The following PRR5L variants were observed in gnomAD, a reference collection of about 807,000 sequenced individuals.
PRR5L encodes proline rich 5 like.
A neutral mutation model predicts 36.4 loss-of-function variants in PRR5L; 21 were observed. The ratio of observed to expected loss-of-function variants is 0.58; its 90% confidence interval spans 0.41 to 0.83. PRR5L has a LOEUF of 0.83. Ranked by LOEUF, PRR5L falls within the 40% of genes least tolerant of loss-of-function variation. The pLI is 0.00. For missense variants in PRR5L, 381 were observed against 473.3 expected (o/e 0.80, Z 1.81); for synonymous variants, 188 against 197.0 (o/e 0.95, Z 0.38).
chr11:36,434,078 C>G (rs1182504876), intron 5 of PRR5L, among the ~76,000 whole-genome samples: 1 of 152,234 alleles, frequency 6.6e-6, no homozygotes, highest in African/African-American at 2.4e-5. Flanking sequence ...AAGTAACCCT[C>G]ATCATAGATA....
intron 1 of PRR5L, among the ~76,000 whole-genome samples, chr11:36,328,430 G>A (rs1053397120): frequency 3.9e-5 from 6 of 152,120 alleles, no homozygotes; most frequent in African/African-American, 1.4e-4. Context: ...AGATTTGGTT[G>A]TTTAAAAGTG....
intron 1 of PRR5L, among the ~76,000 whole-genome samples, chr11:36,328,921 A>G (rs1488679840): frequency 6.6e-6 from 1 of 152,166 alleles, no homozygotes; most frequent in Non-Finnish European, 1.5e-5. Flanking sequence ...ATTCCATTTA[A>G]CCAGTCTTCC....
At chr11:36,312,289 C>A (rs965895493) in intron 1 of PRR5L, among the ~76,000 whole-genome samples, 2 of 152,096 alleles carry the variant, frequency 1.3e-5, no homozygotes, top group Admixed American at 1.3e-4. Context: ...CAGAGTGTAT[C>A]TGACCATGAC....
At chr11:36,323,019 C>T (rs898331643) in intron 1 of PRR5L, among the ~76,000 whole-genome samples, 1 of 152,156 alleles carries the variant, frequency 6.6e-6, no homozygotes, top group South Asian at 2.1e-4. Flanking sequence ...TAGAGCATAT[C>T]CCTGTGCACA....
intron 5 of PRR5L, among the ~76,000 whole-genome samples, chr11:36,433,689 ACAGGCACGTGCCAC>A (rs1353323691): frequency 1.3e-5 from 2 of 152,186 alleles, no homozygotes; most frequent in Non-Finnish European, 2.9e-5. Context: ...AGCTGGGATT[ACAGGCACGTGCCAC>A]CACGCCCAGC....
intron 1 of PRR5L, among the ~76,000 whole-genome samples, chr11:36,306,719 GT>G (rs1171365056): frequency 2.0e-5 from 3 of 152,114 alleles, no homozygotes; most frequent in Non-Finnish European, 4.4e-5. Context: ...GAGGATACCA[GT>G]TTTTTCCTGT....
rs145287432 is a variant in PRR5L at position 36,406,901 on chromosome 11, A to T, written c.245+3523A>T. ...GGATTCAGAGAGACCAGGGATCAAG[A>T]CTGGGCTAGCTGTGTGACCTTGGGC... is the stretch of plus-strand genomic sequence containing the variant. On this transcript the variant is annotated intron_variant, in intron 3 of 8. Coordinates refer to ENST00000530639, the MANE Select transcript of PRR5L (RefSeq NM_001160167.2). Among the ~76,000 whole-genome samples, 913 of 152,312 alleles carry T rather than the reference A, an allele frequency of 6.0e-3. 14 individuals carry two copies. The highest frequency in any genetic ancestry group is 0.053 in the South Asian group (256 of 4,826).
chr11:36,430,268 T>G (rs1004108017), intron 4 of PRR5L, among the ~76,000 whole-genome samples: 1 of 152,030 alleles, frequency 6.6e-6, no homozygotes, highest in Admixed American at 6.6e-5. Flanking sequence ...AAAAATTAGC[T>G]GGGCATGGTG....
chr11:36,325,170 G>T (rs1225145020), intron 1 of PRR5L, among the ~76,000 whole-genome samples: 1 of 152,216 alleles, frequency 6.6e-6, no homozygotes, highest in Non-Finnish European at 1.5e-5. Context: ...CATGGGTCAC[G>T]GAAGAGAACC....
At chr11:36,306,551 A>G (rs1219822939) in intron 1 of PRR5L, among the ~76,000 whole-genome samples, 1 of 152,158 alleles carries the variant, frequency 6.6e-6, no homozygotes, top group African/African-American at 2.4e-5. Flanking sequence ...CTTTGAATCT[A>G]TGTACCTACT....
At chr11:36,460,089 TG>T (rs1399520776) in intron 8 of PRR5L, among the ~76,000 whole-genome samples, 4 of 152,194 alleles carry the variant, frequency 2.6e-5, no homozygotes, top group Non-Finnish European at 5.9e-5. Context: ...TACACAGGTG[TG>T]GTGGGTGAGT....
rs570582217 is a variant in PRR5L at position 36,347,524 on chromosome 11, T to C, written c.-126+51086T>C. On this transcript the variant is annotated intron_variant, in intron 1 of 8. Coordinates refer to ENST00000530639, the MANE Select transcript of PRR5L (RefSeq NM_001160167.2). ...GGGGTGCTGAGTTGTAAGGCAGACA[T>C]GGACAAACTAGATGTTTGCTGAAGA... Among the ~76,000 whole-genome samples the C allele has an allele frequency of 7.9e-5, 12 of 152,100 alleles. No homozygotes were observed. The South Asian group carries it at 2.3e-3, about 29-fold the overall frequency.
At chr11:36,384,504 A>G (rs1857423599) in intron 1 of PRR5L, among the ~76,000 whole-genome samples, 1 of 152,152 alleles carries the variant, frequency 6.6e-6, no homozygotes, top group South Asian at 2.1e-4. Flanking sequence ...AGTTAAATGG[A>G]CTTGAATTGG....
chr11:36,407,270 G>A (rs1006348506), intron 3 of PRR5L, among the ~76,000 whole-genome samples: 2 of 152,120 alleles, frequency 1.3e-5, no homozygotes, highest in South Asian at 2.1e-4. Context: ...CAGGAGGATC[G>A]CTTGAGTCCA....
chr11:36,461,626 A>G (rs1344633412), intron 8 of PRR5L, among the ~76,000 whole-genome samples: 1 of 152,110 alleles, frequency 6.6e-6, no homozygotes, highest in Non-Finnish European at 1.5e-5. Context: ...TGTCTCAAAA[A>G]AAAAACAAAA....
At chr11:36,336,207 C>T (rs1362630661) in intron 1 of PRR5L, among the ~76,000 whole-genome samples, 1 of 152,142 alleles carries the variant, frequency 6.6e-6, no homozygotes, top group Non-Finnish European at 1.5e-5. Context: ...CTTTTTCAAA[C>T]TTAAATGTAT....
intron 3 of PRR5L, among the ~76,000 whole-genome samples, chr11:36,415,461 G>T (rs1174252189): frequency 6.6e-6 from 1 of 152,200 alleles, no homozygotes; most frequent in African/African-American, 2.4e-5. Context: ...ATGCATCTGT[G>T]GGCCAGGCAC....
chr11:36,368,895 C>T (rs970095428), intron 1 of PRR5L, among the ~76,000 whole-genome samples: 2 of 152,014 alleles, frequency 1.3e-5, no homozygotes, highest in Admixed American at 1.3e-4. Flanking sequence ...AGACACTACC[C>T]ACGAAAATCA....
intron 1 of PRR5L, among the ~76,000 whole-genome samples, chr11:36,374,280 A>G: frequency 6.6e-6 from 1 of 151,980 alleles, no homozygotes; most frequent in Non-Finnish European, 1.5e-5. Context: ...TTTTTAGTAG[A>G]GATGGGGTTT....
Sources: allele counts gnomAD v4.1 joint callset (sites outside exome capture counted in the v4.1 genomes callset), GRCh38; gene constraint gnomAD v4.1.1; transcripts MANE v1.5; gene names NCBI Gene and HGNC (gene_info 2026-07-23, HGNC 2026-07-21).